Variants in EMC2 observed in about 807,000 individuals in gnomAD.
EMC2 encodes TPR repeat protein 35.
Under a neutral mutation model 51.6 loss-of-function variants are expected in EMC2, and 37 were observed. The observed-to-expected ratio is 0.72, with a 90% CI of 0.55 to 0.94. The LOEUF (loss-of-function observed/expected upper bound fraction) is 0.94. Among genes scored for constraint, EMC2 ranks in the 40% least tolerant of loss-of-function variants. The pLI is 0.00. For missense variants in EMC2, 359 were observed against 350.9 expected (o/e 1.02, Z -0.18); for synonymous variants, 131 against 112.4 (o/e 1.17, Z -1.04).
chr8:108,463,231 C>T (rs1200813755), intron 5 of EMC2, among the ~76,000 whole-genome samples: 1 of 152,016 alleles, frequency 6.6e-6, no homozygotes, highest in Non-Finnish European at 1.5e-5. Context: ...AATGTGTCAT[C>T]GAAATAGGAT....
At chr8:108,459,703 TGAGA>T (rs71303985) in intron 5 of EMC2, among the ~76,000 whole-genome samples, 4 of 126,346 alleles carry the variant, frequency 3.2e-5, no homozygotes, top group Non-Finnish European at 4.9e-5. Flanking sequence ...CCAAGCCATG[TGAGA>T]GAGAGAGAGA....
Position 108,475,944 on chromosome 8 carries a change from A to G in EMC2, c.572A>G (p.Tyr191Cys), listed in dbSNP as rs765527036. 6.3e-7 allele frequency: 1 copy of G among 1,594,140 alleles called. No homozygotes were observed. Among genetic ancestry groups the G allele is most frequent in the South Asian group, 1.1e-5 (1 of 88,502 alleles). Residue 191 changes from tyrosine to cysteine, a missense_variant, in exon 8 of 11, where the codon TAC becomes TGC. By Grantham distance (194) the Tyr-to-Cys change is radical. Coordinates refer to ENST00000220853, the MANE Select transcript of EMC2 (RefSeq NM_014673.5). ...LMMTNPHNHLYCQQYAEVKYT... is the reference protein window; with the variant it reads ...LMMTNPHNHLCCQQYAEVKYT... ...ATGACTAATCCACACAACCACTTAT[A>G]CTGTCAGCAGTATGCTGAAGTAAGT...
intron 3 of EMC2, among the ~76,000 whole-genome samples, chr8:108,451,022 T>C (rs1431135201): frequency 1.3e-5 from 2 of 151,950 alleles, no homozygotes; most frequent in Non-Finnish European, 2.9e-5. Context: ...GCCAACGTGG[T>C]GAAACCCCGT....
intron 10 of EMC2, 68 bp downstream of exon 10, chr8:108,479,178 C>A: frequency 2.5e-6 from 2 of 799,932 alleles, no homozygotes; most frequent in African/African-American, 1.8e-5. Flanking sequence ...TTACTACAAA[C>A]TACAAAGTCG....
At chr8:108,444,653 T>A (rs1818834786) in intron 1 of EMC2, among the ~76,000 whole-genome samples, 1 of 152,224 alleles carries the variant, frequency 6.6e-6, no homozygotes, top group South Asian at 2.1e-4. Flanking sequence ...ATATCAGTTA[T>A]TATAAAGTTG....
chr8:108,475,148 A>G (rs1810924952), intron 7 of EMC2: 2 of 151,898 alleles, frequency 1.3e-5, no homozygotes, highest in Admixed American at 6.6e-5. Context: ...GTAGATAGTG[A>G]GGATAGTCAC....
chr8:108,443,857 C>T (rs1343846431), intron 1 of EMC2, among the ~76,000 whole-genome samples, 159 bp downstream of exon 1: 2 of 152,302 alleles, frequency 1.3e-5, no homozygotes, highest in Admixed American at 1.3e-4. Flanking sequence ...GCTGACCCTT[C>T]CCTTGGCCCG....
At chr8:108,460,178 A>G (rs1465154988) in intron 5 of EMC2, among the ~76,000 whole-genome samples, 3 of 152,226 alleles carry the variant, frequency 2.0e-5, no homozygotes, top group Non-Finnish European at 4.4e-5. Flanking sequence ...TTAAAAATCG[A>G]TGGAATTTAA....
At position 108,470,129 on chromosome 8, in the gene EMC2, AT is replaced by A; in HGVS notation, c.509+10del. 6.2e-7 allele frequency: 1 copy of A among 1,600,718 alleles called. No homozygotes were observed. Among genetic ancestry groups the A allele is most frequent in the South Asian group, 1.1e-5 (1 of 90,672 alleles). ...TTACATCAATGAACATGAGTAAGTT[AT>A]TAAACACACAACATTTTGTTGAGTG... On this transcript the variant is annotated intron_variant, in intron 7 of 10. Transcript: ENST00000220853.
Position 108,453,051 on chromosome 8 carries a change from T to C in EMC2, c.220-11T>C. On this transcript the variant is annotated splice_polypyrimidine_tract_variant and intron_variant, in intron 3 of 10. Coordinates refer to ENST00000220853, the MANE Select transcript of EMC2 (RefSeq NM_014673.5). Reference sequence around the variant, plus strand: ...AATAATGTAATTACTACTCAACCCTTATTTTTTCAGTTTTGTCTTCAAGAG... The same window carrying C: ...AATAATGTAATTACTACTCAACCCTCATTTTTTCAGTTTTGTCTTCAAGAG... The C allele has an allele frequency of 1.9e-6, 3 of 1,561,688 alleles. No homozygotes were observed. Among genetic ancestry groups the C allele is most frequent in the Non-Finnish European group, 2.6e-6 (3 of 1,143,408 alleles).
At chr8:108,450,026 T>C in intron 2 of EMC2, 90 bp downstream of exon 2, 2 of 534,808 alleles carry the variant, frequency 3.7e-6, no homozygotes, top group Non-Finnish European at 6.7e-6. Context: ...ATGATTTTTC[T>C]ACTTGTCATA....
At position 108,488,487 on chromosome 8, in the gene EMC2, A is replaced by G. The variant is rs935169175; in HGVS notation, c.*1889A>G. On this transcript the variant is annotated 3_prime_UTR_variant, in exon 11 of 11. Transcript: ENST00000220853. ...TATCACTTTATTTTTTCAAAATTTT[A>G]ATAACTTCTTTCCAAGATTTTATAT... Among the ~76,000 whole-genome samples the G allele has an allele frequency of 1.3e-5, 2 of 152,132 alleles. No homozygotes were observed. The highest frequency in any genetic ancestry group is 4.8e-5 in the African/African-American group (2 of 41,428).
chr8:108,458,638 A>G (rs1819226367), intron 5 of EMC2, among the ~76,000 whole-genome samples: 1 of 152,088 alleles, frequency 6.6e-6, no homozygotes. Flanking sequence ...GATGCAAGGC[A>G]CCAAGTCCCT....
At chr8:108,453,215 T>G (rs1394619675) in intron 4 of EMC2, 68 bp downstream of exon 4, 17 of 856,968 alleles carry the variant, frequency 2.0e-5, no homozygotes, top group Non-Finnish European at 3.2e-5. Flanking sequence ...TTTTTTTTTT[T>G]TAATTCAGAC....
intron 1 of EMC2, among the ~76,000 whole-genome samples, chr8:108,445,403 C>A (rs796687543): frequency 2.1e-4 from 32 of 152,284 alleles, no homozygotes; most frequent in African/African-American, 7.7e-4. Flanking sequence ...TTGTTGAATA[C>A]CCTAAATTGC....
At chr8:108,458,848 A>G (rs1490769184) in intron 5 of EMC2, among the ~76,000 whole-genome samples, 1 of 152,192 alleles carries the variant, frequency 6.6e-6, no homozygotes, top group Admixed American at 6.5e-5. Context: ...TTCTTCTCAG[A>G]AAATGGGGTT....
rs142917054 is a variant in EMC2, at chr8:108,467,171, A to G, written c.364-2655A>G. 2.8e-4 allele frequency among the ~76,000 whole-genome samples: 42 copies of G among 152,246 alleles called. No individual in the cohort carries two copies. The East Asian group carries it at 7.9e-3, about 29-fold the overall frequency. Reference sequence around the variant, plus strand: ...CCGATCTGCAGTAGATACTTCCTTCAGTGTCCAGTACTGTTTGGTATGAAT... The same window carrying G: ...CCGATCTGCAGTAGATACTTCCTTCGGTGTCCAGTACTGTTTGGTATGAAT... On this transcript the variant is annotated intron_variant, in intron 5 of 10. Coordinates refer to ENST00000220853, the MANE Select transcript of EMC2 (RefSeq NM_014673.5).
chr8:108,486,504 TTAA>T lies in EMC2; in HGVS notation c.808-6_808-4del. On this transcript the variant is annotated splice_polypyrimidine_tract_variant and splice_region_variant and intron_variant, in intron 10 of 10. Transcript: ENST00000220853. Reference sequence around the variant, plus strand: ...CTAATTGAGCTTTTTTTTTTTTTTTTTAATTAGTTTGCAGGTCGAAGTAAGAAG... The same window carrying T: ...CTAATTGAGCTTTTTTTTTTTTTTTTTTAGTTTGCAGGTCGAAGTAAGAAG... The T allele has an allele frequency of 6.4e-7, 1 of 1,554,526 alleles. No individual in the cohort carries two copies. The highest frequency in any genetic ancestry group is 8.6e-7 in the Non-Finnish European group (1 of 1,158,808).
intron 5 of EMC2, among the ~76,000 whole-genome samples, chr8:108,465,439 A>T (rs946291931): frequency 7.2e-5 from 11 of 152,196 alleles, no homozygotes; most frequent in African/African-American, 2.4e-4. Flanking sequence ...TATATTTAAC[A>T]CATGTCACTT....
Sources: gnomAD v4.1 joint callset for allele counts (sites outside exome capture counted in the v4.1 genomes callset) on GRCh38, gnomAD v4.1.1 for gene constraint, MANE v1.5 for transcripts, NCBI Gene and HGNC (gene_info 2026-07-23, HGNC 2026-07-21) for gene names.